The following NAV1 variants were observed in gnomAD, a reference collection of about 807,000 sequenced individuals.
NAV1 encodes the protein neuron navigator 1.
NAV1 carries 18 observed loss-of-function variants against 175.2 expected under a neutral mutation model. The observed-to-expected ratio is 0.10, with a 90% CI of 0.07 to 0.15. The LOEUF is 0.15. NAV1 is among the 10% of genes least tolerant of loss of function. The pLI, the probability that NAV1 is intolerant of heterozygous loss-of-function variation, is 1.00. For missense variants in NAV1, 1,731 were observed against 2,436.6 expected (o/e 0.71, Z 6.10); for synonymous variants, 897 against 978.7 (o/e 0.92, Z 1.56).
chr1:201,556,024 C>T (rs1666001056), intron 1 of NAV1, among the ~76,000 whole-genome samples: 2 of 152,188 alleles, frequency 1.3e-5, no homozygotes, highest in Non-Finnish European at 2.9e-5. Flanking sequence ...GAAAATGCCA[C>T]ATTCATTAAT....
At position 201,782,762 on chromosome 1, in the gene NAV1, A is replaced by C. The variant is rs569134274; in HGVS notation, c.2250A>C (p.Ser750=). 1 of 1,614,162 alleles carries C rather than the reference A, an allele frequency of 6.2e-7. No individual in the cohort carries two copies. The highest frequency in any genetic ancestry group is 2.2e-5 in the East Asian group (1 of 44,864). The change falls in exon 6 of 30, where the codon TCA becomes TCC. Residue 750 remains serine, a synonymous_variant. Coordinates refer to ENST00000367296, the Ensembl canonical transcript of NAV1. The surrounding 1 kb of genome is among the most constrained non-coding windows in gnomAD (Gnocchi z 5.4). Reference sequence around the variant, plus strand: ...AAGCCAAGGCAGTGGCCTTGGACTCAGACAACATCTCCTTGAAGAGTATTG... The same window carrying C: ...AAGCCAAGGCAGTGGCCTTGGACTCCGACAACATCTCCTTGAAGAGTATTG...
intron 7 of NAV1, among the ~76,000 whole-genome samples, chr1:201,784,840 C>T (rs1676609152): frequency 6.6e-6 from 1 of 152,094 alleles, no homozygotes. Flanking sequence ...GATCTTGGCT[C>T]ACTTGCAAGT....
chr1:201,816,830 A>ATT, intron 28 of NAV1: 6 of 426,664 alleles, frequency 1.4e-5, no homozygotes, highest in Non-Finnish European at 2.6e-5. Flanking sequence ...TGCATGGCTA[A>ATT]TTTTTTTTTT....
rs143125148 is a variant in NAV1, at chr1:201,810,708, G to C, written c.4747G>C (p.Val1583Leu). Residue 1583 changes from valine to leucine, a missense_variant, in exon 24 of 30, where the codon GTC becomes CTC. Around this residue, in one of 13 missense-constraint regions of NAV1, gnomAD observed 115 missense variants for 269.4 expected, o/e 0.43. Coordinates refer to ENST00000367296, the Ensembl canonical transcript of NAV1. The surrounding 1 kb of genome is among the most constrained non-coding windows in gnomAD (Gnocchi z 6.0). ...CCTGGTGGAGCGCTCTGGCCGTGAG[G>C]TCACAGAGGGCATCGTCAGCACCTT... The C allele has an allele frequency of 1.7e-5, 28 of 1,613,982 alleles. No homozygotes were observed. The highest frequency in any genetic ancestry group is 2.2e-5 in the Non-Finnish European group (26 of 1,180,022).
intron 15 of NAV1, 50 bp downstream of exon 19, chr1:201,794,627 G>A (rs369154587): frequency 1.4e-4 from 215 of 1,503,894 alleles, no homozygotes; most frequent in Non-Finnish European, 1.9e-4. Context: ...AGGAAAGTAA[G>A]AGTATTACAG....
At position 201,670,545 on chromosome 1, in the gene NAV1, G is replaced by GTGATGGTGATGGTGGTAGAGA. The variant is rs1364692809; in HGVS notation, c.757+21134_757+21154dup. ...TGTGGCAGCAGCAGTGATGGTGGCAGTGATGGTGATGGTGGTAGAGATGAT... is the reference window on the plus strand; with the variant it reads ...TGTGGCAGCAGCAGTGATGGTGGCAGTGATGGTGATGGTGGTAGAGATGATGGTGATGGTGGTAGAGATGAT... On this transcript the variant is annotated intron_variant, in intron 1 of 29. Coordinates refer to ENST00000367296, the Ensembl canonical transcript of NAV1. 2.7e-3 allele frequency among the ~76,000 whole-genome samples: 410 copies of GTGATGGTGATGGTGGTAGAGA among 151,872 alleles called. 4 individuals are homozygous for GTGATGGTGATGGTGGTAGAGA. Among genetic ancestry groups the GTGATGGTGATGGTGGTAGAGA allele is most frequent in the African/African-American group, 8.7e-3 (358 of 41,300 alleles).
chr1:201,809,086 G>T, intron 20 of NAV1, 78 bp from the exon 25 acceptor site: 1 of 1,455,414 alleles, frequency 6.9e-7, no homozygotes, highest in South Asian at 1.2e-5. Context: ...GAGTTATTTT[G>T]GAAAGGATAA....
At chr1:201,698,386 G>C (rs1197498522) in intron 1 of NAV1, among the ~76,000 whole-genome samples, 1 of 152,240 alleles carries the variant, frequency 6.6e-6, no homozygotes, top group South Asian at 2.1e-4. Flanking sequence ...CTATTGTATG[G>C]GTGGACTCAG....
rs777641477 is a variant in NAV1 at position 201,812,182 on chromosome 1, A to G, written c.5024+208A>G. The stretch of plus-strand genomic sequence containing the variant: ...GAAAAGGCCTGCTAAGCTAAGAGAG[A>G]GCCAGGTAGGTTGCTCTAAGCAGAA... On this transcript the variant is annotated intron_variant, in intron 26 of 29. Transcript: ENST00000367296. The surrounding 1 kb of genome is among the most constrained non-coding windows in gnomAD (Gnocchi z 4.6). 3.3e-5 allele frequency among the ~76,000 whole-genome samples: 5 copies of G among 152,192 alleles called. No individual in the cohort carries two copies. The highest frequency in any genetic ancestry group is 5.9e-5 in the Non-Finnish European group (4 of 68,024).
At chr1:201,594,247 G>C (rs1446531376) in intron 2 of NAV1, among the ~76,000 whole-genome samples, 1 of 152,178 alleles carries the variant, frequency 6.6e-6, no homozygotes, top group East Asian at 1.9e-4. Flanking sequence ...CTAAGGGAGT[G>C]CATCATGTGG....
chr1:201,715,165 CTTTT>C (rs34382311), intron 2 of NAV1, among the ~76,000 whole-genome samples: 3 of 133,940 alleles, frequency 2.2e-5, no homozygotes, highest in Non-Finnish European at 1.6e-5. Flanking sequence ...TTTTATGGCT[CTTTT>C]TTTTTTTTTT....
At chr1:201,649,234 C>T (rs375867172) in exon 1 of NAV1, 1 of 1,613,150 alleles carries the variant, frequency 6.2e-7, no homozygotes, top group South Asian at 1.1e-5. Context: ...AGCAAGGCGC[C>T]TGAAGCGGCC....
In NAV1 at chr1:201,787,533, A is replaced by G. The variant is rs1417152383; in HGVS notation, c.2996-935A>G. Reference sequence around the variant, plus strand: ...TGGGGCCAGCTTGTTCTCTATCTCCATTGAAGACCAAATAAGAAGAATTGC... The same window carrying G: ...TGGGGCCAGCTTGTTCTCTATCTCCGTTGAAGACCAAATAAGAAGAATTGC... On this transcript the variant is annotated intron_variant, in intron 9 of 29. Coordinates refer to ENST00000367296, the Ensembl canonical transcript of NAV1. This position sits in a 1 kb window ranked among gnomAD's most constrained non-coding sequence, Gnocchi z 4.3. 5.0e-6 allele frequency: 2 copies of G among 402,880 alleles called. No homozygotes were observed. Among genetic ancestry groups the G allele is most frequent in the Admixed American group, 2.7e-5 (1 of 37,714 alleles). 25.0% of individuals were successfully genotyped at this position (402,880 alleles called of 1,614,324 possible). A position where few individuals can be genotyped will look rare whatever the true frequency, so the allele number is the denominator to read the frequency against.
At chr1:201,819,742 C>A in intron 29 of NAV1, 95 bp from the exon 34 acceptor site, 1 of 1,132,852 alleles carries the variant, frequency 8.8e-7, no homozygotes, top group Non-Finnish European at 1.3e-6. Context: ...ACCTTGGCCT[C>A]CCAAAGTGTT....
chr1:201,650,632 A>G (rs1669164681), intron 1 of NAV1, among the ~76,000 whole-genome samples: 2 of 152,162 alleles, frequency 1.3e-5, no homozygotes, highest in Non-Finnish European at 2.9e-5. Flanking sequence ...GCGGCCCTGG[A>G]GAATGCGAAG....
chr1:201,785,057 G>C (rs535910117), intron 7 of NAV1, among the ~76,000 whole-genome samples: 3 of 152,256 alleles, frequency 2.0e-5, no homozygotes, highest in African/African-American at 7.2e-5. Context: ...CGTGAGCTAC[G>C]GCGCCCGGCC....
At chr1:201,677,860 G>C (rs1341175082) in intron 1 of NAV1, among the ~76,000 whole-genome samples, 2 of 152,068 alleles carry the variant, frequency 1.3e-5, no homozygotes, top group Non-Finnish European at 2.9e-5. Flanking sequence ...AAACTTCTGA[G>C]CTCAAGCAGT....
chr1:201,708,985 C>A (rs1340243831), intron 1 of NAV1, among the ~76,000 whole-genome samples: 1 of 152,000 alleles, frequency 6.6e-6, no homozygotes, highest in Admixed American at 6.6e-5. Context: ...CCCGTCTCTA[C>A]TAAAAATGCA....
At chr1:201,651,921 G>A (rs1481391382) in intron 1 of NAV1, among the ~76,000 whole-genome samples, 2 of 152,082 alleles carry the variant, frequency 1.3e-5, no homozygotes, top group Non-Finnish European at 2.9e-5. Flanking sequence ...CAGTGGTAGG[G>A]AGGAAAGGAG....
Sources: gnomAD v4.1 joint callset for allele counts (sites outside exome capture counted in the v4.1 genomes callset) on GRCh38, gnomAD v4.1.1 for gene constraint, gnomAD v4.1.1 regional missense constraint, Gnocchi (gnomAD v3.1) non-coding constraint, MANE v1.5 for transcripts, NCBI Gene and HGNC (gene_info 2026-07-23, HGNC 2026-07-21) for gene names.